WWOX: variants seen among roughly 807,000 people sequenced by gnomAD.
The protein encoded by WWOX is WW domain containing oxidoreductase.
Under a neutral mutation model 46.2 loss-of-function variants are expected in WWOX, and 69 were observed. That is an observed-to-expected ratio of 1.49 (90% CI 1.23 to 1.82). The LOEUF (loss-of-function observed/expected upper bound fraction) is 1.82. WWOX is among the 40% of genes most tolerant of loss of function. WWOX has a pLI of 0.00. For missense variants in WWOX, 919 were observed against 542.6 expected (o/e 1.69, Z -6.89); for synonymous variants, 359 against 202.6 (o/e 1.77, Z -6.56).
chr16:78,384,777 C>A (rs1029217943), intron 5 of WWOX, among the ~76,000 whole-genome samples: 1 of 152,164 alleles, frequency 6.6e-6, no homozygotes, highest in South Asian at 2.1e-4. Flanking sequence ...CAGTTTGCCT[C>A]CACCACTGAT....
chr16:78,984,019 A>C (rs1363467341), intron 8 of WWOX, among the ~76,000 whole-genome samples: 1 of 151,748 alleles, frequency 6.6e-6, no homozygotes, highest in Non-Finnish European at 1.5e-5. Context: ...CTGGGACTAC[A>C]GGCGCCTGCC....
intron 8 of WWOX, among the ~76,000 whole-genome samples, chr16:79,177,779 T>C (rs2050830146): frequency 6.6e-6 from 1 of 152,242 alleles, no homozygotes. Context: ...GTAAATATTT[T>C]AGGCTTTGTG....
intron 5 of WWOX, among the ~76,000 whole-genome samples, chr16:78,319,421 G>A (rs1055704214): frequency 2.6e-5 from 4 of 151,950 alleles, no homozygotes; most frequent in East Asian, 1.9e-4. Context: ...CATCACGCCC[G>A]GCTAACTTTT....
chr16:78,539,997 T>TTCTC (rs536466074), intron 8 of WWOX, among the ~76,000 whole-genome samples: 266 of 133,084 alleles, frequency 2.0e-3, no homozygotes, highest in Non-Finnish European at 3.3e-3. Context: ...CTCTCTCTCT[T>TTCTC]TCTCTCTCTC....
chr16:78,553,720 G>A (rs1168271082), intron 8 of WWOX, among the ~76,000 whole-genome samples: 1 of 152,060 alleles, frequency 6.6e-6, no homozygotes, highest in Non-Finnish European at 1.5e-5. Context: ...CTGTGAGGGA[G>A]GAGGCCTGGG....
chr16:79,012,650 A>G (rs993556941), intron 8 of WWOX, among the ~76,000 whole-genome samples: 2 of 152,228 alleles, frequency 1.3e-5, no homozygotes, highest in African/African-American at 4.8e-5. Flanking sequence ...TGATTAACCA[A>G]TGAATGAGGG....
chr16:78,432,554 C>A lies in WWOX; in HGVS notation c.858C>A (p.Asp286Glu). 1 of 1,614,200 alleles carries A rather than the reference C, an allele frequency of 6.2e-7. No homozygotes were observed. Among genetic ancestry groups the A allele is most frequent in the South Asian group, 1.1e-5 (1 of 91,084 alleles). Residue 286 changes from aspartate to glutamate, a missense_variant, in exon 8 of 9, where the codon GAC becomes GAA. Asp to Glu is a conservative substitution (Grantham distance 45). Coordinates refer to ENST00000566780, the MANE Select transcript of WWOX (RefSeq NM_016373.4). The part of the protein sequence containing the change: ...DFSRLSPTKN[D>E]YWAMLAYNRS... Reference sequence around the variant, plus strand: ...GTCGCCTCTCTCCAACAAAAAACGACTATTGGGCGATGCTGGCTTATAACA... The same window carrying A: ...GTCGCCTCTCTCCAACAAAAAACGAATATTGGGCGATGCTGGCTTATAACA...
intron 8 of WWOX, among the ~76,000 whole-genome samples, chr16:78,752,499 G>A (rs1403671833): frequency 6.6e-6 from 1 of 152,156 alleles, no homozygotes; most frequent in African/African-American, 2.4e-5. Flanking sequence ...TGTTGGCCAG[G>A]CTAGTTTCTA....
chr16:78,668,681 C>T (rs1344097118), intron 8 of WWOX, among the ~76,000 whole-genome samples: 1 of 152,098 alleles, frequency 6.6e-6, no homozygotes, highest in African/African-American at 2.4e-5. Context: ...CTGAGAAGAG[C>T]AGGCATCAGA....
chr16:78,858,736 G>C (rs963231832), intron 8 of WWOX, among the ~76,000 whole-genome samples: 1 of 151,560 alleles, frequency 6.6e-6, no homozygotes, highest in Non-Finnish European at 1.5e-5. Flanking sequence ...CTGTAGTGCA[G>C]GGCACAATCA....
At chr16:78,476,688 G>T (rs1051787852) in intron 8 of WWOX, among the ~76,000 whole-genome samples, 4 of 152,082 alleles carry the variant, frequency 2.6e-5, no homozygotes, top group African/African-American at 9.7e-5. Flanking sequence ...GATCACAGAG[G>T]ATGAAAAGTC....
chr16:78,108,055 A>C (rs1339566144), intron 1 of WWOX, among the ~76,000 whole-genome samples: 1 of 151,444 alleles, frequency 6.6e-6, no homozygotes, highest in Non-Finnish European at 1.5e-5. Flanking sequence ...CAGCCTCCCG[A>C]GTAGCTGGGA....
intron 8 of WWOX, among the ~76,000 whole-genome samples, chr16:78,651,960 C>T (rs748188176): frequency 3.9e-5 from 6 of 152,054 alleles, no homozygotes; most frequent in Admixed American, 6.5e-5. Flanking sequence ...TTGCCATTAT[C>T]AGTTACATTA....
In WWOX at chr16:78,278,723, C is replaced by G. The variant is rs891186044; in HGVS notation, c.517-108137C>G. 1.2e-5 allele frequency: 17 copies of G among 1,467,776 alleles called. No individual in the cohort carries two copies. The African/African-American group carries it at 2.0e-4, about 17-fold the overall frequency. 90.9% of individuals were successfully genotyped at this position (1,467,776 alleles called of 1,614,324 possible). A position where few individuals can be genotyped will look rare whatever the true frequency, so the allele number is the denominator to read the frequency against. On this transcript the variant is annotated intron_variant, in intron 5 of 8. Coordinates refer to ENST00000566780, the MANE Select transcript of WWOX (RefSeq NM_016373.4). ...ATTACATCTTCTTTTGTGGGTATTT[C>G]CTGGTCTTTTCATGTTTTGACTTCT...
In WWOX at chr16:79,027,758, T is replaced by C. The variant is rs111727707; in HGVS notation, c.1057-183850T>C. Among the ~76,000 whole-genome samples the C allele has an allele frequency of 3.2e-4, 49 of 151,940 alleles. 2 individuals carry two copies. Among genetic ancestry groups the C allele is most frequent in the African/African-American group, 1.2e-3 (48 of 41,220 alleles). On this transcript the variant is annotated intron_variant, in intron 8 of 8. Coordinates refer to ENST00000566780, the MANE Select transcript of WWOX (RefSeq NM_016373.4). ...GAATGTCTCTTTTTTGATTTAGATG[T>C]CTTTTTTTGATATAGATGTCTCTTG...
At chr16:79,077,450 A>C (rs985652821) in intron 8 of WWOX, 12 of 152,328 alleles carry the variant, frequency 7.9e-5, no homozygotes, top group African/African-American at 2.6e-4. Flanking sequence ...GAAGCTAAGT[A>C]GGAGCTGAAA....
chr16:78,233,812 C>T (rs1417008805), intron 5 of WWOX, among the ~76,000 whole-genome samples: 2 of 152,128 alleles, frequency 1.3e-5, no homozygotes, highest in African/African-American at 2.4e-5. Context: ...CAGGCGTGAG[C>T]CACCGTGCCT....
chr16:78,152,963 G>T (rs1176586316), intron 4 of WWOX, among the ~76,000 whole-genome samples: 1 of 152,204 alleles, frequency 6.6e-6, no homozygotes, highest in African/African-American at 2.4e-5. Context: ...AGGAAGCTCT[G>T]TAGGGATTTG....
intron 8 of WWOX, among the ~76,000 whole-genome samples, chr16:79,100,055 C>T (rs186296316): frequency 5.3e-4 from 80 of 152,280 alleles, no homozygotes; most frequent in Admixed American, 1.5e-3. Flanking sequence ...TGATTGACTC[C>T]GTCACACTCA....
Sources: allele counts gnomAD v4.1 joint callset (sites outside exome capture counted in the v4.1 genomes callset), GRCh38; gene constraint gnomAD v4.1.1; transcripts MANE v1.5; gene names NCBI Gene and HGNC (gene_info 2026-07-23, HGNC 2026-07-21).